The following FBN1 variants were observed in gnomAD, a reference collection of about 807,000 sequenced individuals.
The protein encoded by FBN1 is fibrillin-1.
Under a neutral mutation model 365.1 loss-of-function variants are expected in FBN1, and 29 were observed. That is an observed-to-expected ratio of 0.08 (90% CI 0.06 to 0.11). FBN1 has a LOEUF of 0.11. Among genes scored for constraint, FBN1 ranks in the 10% least tolerant of loss-of-function variants. The pLI is 1.00. For missense variants in FBN1, 2,476 were observed against 3,703.2 expected, an observed-to-expected ratio of 0.67 and a Z score of 8.60; for synonymous variants, 1,210 against 1,270.5, an observed-to-expected ratio of 0.95 and a Z score of 1.01.
At chr15:48,591,798 T>A (rs2044479504) in intron 6 of FBN1, among the ~76,000 whole-genome samples, 1 of 151,228 alleles carries the variant, frequency 6.6e-6, no homozygotes, top group Non-Finnish European at 1.5e-5. Context: ...GTGGCCCCTT[T>A]CCAGTGAGGT....
In FBN1 at chr15:48,474,223, T is replaced by C. The variant is rs764368102; in HGVS notation, c.4210+32A>G. 4.0e-5 allele frequency: 64 copies of C among 1,613,906 alleles called. 1 individual carries two copies. In the South Asian group the frequency reaches 6.9e-4, roughly 17 times the overall value. On this transcript the variant is annotated intron_variant, in intron 34 of 65. Coordinates refer to ENST00000316623, the MANE Select transcript of FBN1 (RefSeq NM_000138.5). Reference sequence around the variant, plus strand: ...TGGAATGCCTGGCTTCTCTGACTAGTGTTGACACAGTTGTTTCCAGCGTGA... The same window carrying C: ...TGGAATGCCTGGCTTCTCTGACTAGCGTTGACACAGTTGTTTCCAGCGTGA...
At chr15:48,598,650 G>C (rs1418910858) in intron 5 of FBN1, among the ~76,000 whole-genome samples, 3 of 152,070 alleles carry the variant, frequency 2.0e-5, no homozygotes, top group Admixed American at 1.3e-4. Context: ...TGCCCAAAAA[G>C]GTCCATTCCC....
intron 6 of FBN1, among the ~76,000 whole-genome samples, chr15:48,570,571 C>A (rs2044299615): frequency 6.6e-6 from 1 of 152,022 alleles, no homozygotes; most frequent in African/African-American, 2.4e-5. Flanking sequence ...ATTCATGACT[C>A]CCCTATCTAA....
In FBN1 at chr15:48,452,699, G is replaced by A. The variant is rs1426894149; in HGVS notation, c.5423-15C>T. On this transcript the variant is annotated splice_polypyrimidine_tract_variant and intron_variant, in intron 44 of 65. Coordinates refer to ENST00000316623, the MANE Select transcript of FBN1 (RefSeq NM_000138.5). ...CTCGTCAATATCTACGAGCAGAAGA[G>A]AACTGAATTTGAAGGAGAACAGAAT... The A allele has an allele frequency of 6.2e-7, 1 of 1,613,776 alleles. No homozygotes were observed. The highest frequency in any genetic ancestry group is 1.3e-5 in the African/African-American group (1 of 75,048).
intron 2 of FBN1, among the ~76,000 whole-genome samples, chr15:48,633,197 T>G (rs1264740509): frequency 2.0e-5 from 3 of 152,220 alleles, no homozygotes; most frequent in Non-Finnish European, 2.9e-5. Flanking sequence ...CAGCTAATGC[T>G]CATAACATAG....
chr15:48,584,604 T>G (rs766432494), intron 6 of FBN1, among the ~76,000 whole-genome samples: 3 of 152,216 alleles, frequency 2.0e-5, no homozygotes, highest in African/African-American at 4.8e-5. Flanking sequence ...GGATGCCTTC[T>G]AGGCACTGCC....
At chr15:48,545,940 G>A (rs1386813809) in intron 6 of FBN1, among the ~76,000 whole-genome samples, 5 of 151,986 alleles carry the variant, frequency 3.3e-5, no homozygotes, top group Non-Finnish European at 7.4e-5. Context: ...TGTGAGGATC[G>A]CTTGCCGTAG....
chr15:48,421,416 C>A (rs958110795), intron 62 of FBN1, 142 bp downstream of exon 62: 1 of 926,380 alleles, frequency 1.1e-6, no homozygotes, highest in Non-Finnish European at 1.7e-6. Flanking sequence ...AGATACAGGA[C>A]CTGTGCACAC....
At chr15:48,535,163 G>A (rs1243073320) in intron 7 of FBN1, among the ~76,000 whole-genome samples, 3 of 152,126 alleles carry the variant, frequency 2.0e-5, no homozygotes, top group African/African-American at 7.2e-5. Context: ...CTTTAGCCAC[G>A]AGCCCTTCCC....
chr15:48,449,303 T>G (rs917584996), intron 45 of FBN1, among the ~76,000 whole-genome samples: 2 of 152,220 alleles, frequency 1.3e-5, no homozygotes, highest in Non-Finnish European at 2.9e-5. Flanking sequence ...TAAATTTATA[T>G]CAAAGTCAAA....
At chr15:48,595,106 A>C (rs2044506794) in intron 6 of FBN1, among the ~76,000 whole-genome samples, 1 of 152,230 alleles carries the variant, frequency 6.6e-6, no homozygotes, top group African/African-American at 2.4e-5. Context: ...TAGAGATACA[A>C]TGTAATTTAC....
chr15:48,494,150 A>G, intron 23 of FBN1, 54 bp downstream of exon 23: 1 of 1,409,476 alleles, frequency 7.1e-7, no homozygotes, highest in Admixed American at 1.7e-5. Context: ...CCGAGTTAAC[A>G]CAAACATTCA....
chr15:48,456,835 A>AGTTC, intron 43 of FBN1, 73 bp from the exon 44 acceptor site: 1 of 1,111,806 alleles, frequency 9.0e-7, no homozygotes, highest in Non-Finnish European at 1.2e-6. Flanking sequence ...CAAGATGGAA[A>AGTTC]GTGCGTGCGT....
intron 14 of FBN1, 112 bp from the exon 15 acceptor site, chr15:48,508,816 C>G (rs1325338509): frequency 7.1e-6 from 9 of 1,264,606 alleles, no homozygotes; most frequent in South Asian, 1.3e-5. Flanking sequence ...TTTGTTATTA[C>G]AGCCTAAGGC....
At chr15:48,553,221 C>T (rs1000709452) in intron 6 of FBN1, among the ~76,000 whole-genome samples, 2 of 152,100 alleles carry the variant, frequency 1.3e-5, no homozygotes, top group African/African-American at 4.8e-5. Flanking sequence ...TATATACTAC[C>T]GTCAATTGAA....
intron 23 of FBN1, 135 bp from the exon 24 acceptor site, chr15:48,492,721 G>A: frequency 2.8e-6 from 2 of 722,084 alleles, no homozygotes; most frequent in Non-Finnish European, 4.6e-6. Context: ...CAAGTAGTTT[G>A]TGTAGAATTT....
chr15:48,463,572 C>G (rs574339226), intron 41 of FBN1, among the ~76,000 whole-genome samples: 2 of 152,130 alleles, frequency 1.3e-5, no homozygotes, highest in Non-Finnish European at 2.9e-5. Context: ...TTCTCGTTTC[C>G]GACTCGTGAT....
At chr15:48,487,018 C>T in intron 29 of FBN1, 57 bp downstream of exon 29, 1 of 1,232,304 alleles carries the variant, frequency 8.1e-7, no homozygotes, top group Non-Finnish European at 1.1e-6. Flanking sequence ...CATAACATAA[C>T]ATAACATAAA....
intron 6 of FBN1, among the ~76,000 whole-genome samples, chr15:48,583,200 T>C (rs1192739004): frequency 6.6e-6 from 1 of 152,256 alleles, no homozygotes; most frequent in African/African-American, 2.4e-5. Context: ...TACTCATGCA[T>C]GATAGATAAA....
Sources: allele counts gnomAD v4.1 joint callset (sites outside exome capture counted in the v4.1 genomes callset), GRCh38; gene constraint gnomAD v4.1.1; transcripts MANE v1.5; gene names NCBI Gene and HGNC (gene_info 2026-07-23, HGNC 2026-07-21).